Variants in SLC22A24 observed in about 807,000 individuals in gnomAD.
SLC22A24 encodes solute carrier family 22 member 24.
Under a neutral mutation model 49.8 loss-of-function variants are expected in SLC22A24, and 53 were observed. The observed-to-expected ratio is 1.06, with a 90% confidence interval of 0.85 to 1.34. The LOEUF is 1.34. Ranked by LOEUF, SLC22A24 falls within the 40% of genes most tolerant of loss-of-function variation. The pLI is 0.00. For synonymous variants in SLC22A24, 302 were observed against 256.4 expected (o/e 1.18, Z -1.70); for missense variants, 786 against 675.9 (o/e 1.16, Z -1.81).
Position 63,144,140 on chromosome 11 carries a change from C to T in SLC22A24, c.-361G>A, listed in dbSNP as rs553221578. On this transcript the variant is annotated 5_prime_UTR_variant, in exon 1 of 10. Transcript: ENST00000612278. The stretch of plus-strand genomic sequence containing the variant: ...GGTGGATTTTCAGGTGGATGCAGTC[C>T]CCACGTGACCTAAAATACACCTGTT... 5.7e-6 allele frequency: 1 copy of T among 175,196 alleles called. No homozygotes were observed. Among genetic ancestry groups the T allele is most frequent in the South Asian group, 2.0e-4 (1 of 5,008 alleles). The allele number at this position is 175,196 out of a possible 1,614,324, so 10.9% of individuals were successfully genotyped here. A position where few individuals can be genotyped will look rare whatever the true frequency, so the allele number is the denominator to read the frequency against.
In SLC22A24 at chr11:63,125,745, A is replaced by G. The variant is rs1425678478; in HGVS notation, c.507-6410T>C. ...AGGAATTGCCACACTGTCTTCCACA[A>G]TGGCTGAACTAATTTACACTCCCAC... On this transcript the variant is annotated intron_variant, in intron 2 of 9. Transcript: ENST00000612278. Among the ~76,000 whole-genome samples, 4 of 152,032 alleles carry G rather than the reference A, an allele frequency of 2.6e-5. No individual in the cohort carries two copies. The East Asian group carries it at 5.8e-4, about 22-fold the overall frequency.
chr11:63,138,252 CT>C (rs1289425916), intron 1 of SLC22A24, among the ~76,000 whole-genome samples: 12 of 152,106 alleles, frequency 7.9e-5, no homozygotes, highest in Admixed American at 7.2e-4. Context: ...GGGATTCTTT[CT>C]TTTTGTTTCC....
At chr11:63,118,752 T>C in intron 4 of SLC22A24, 160 bp downstream of exon 4, 1 of 734,404 alleles carries the variant, frequency 1.4e-6, no homozygotes, top group Non-Finnish European at 2.4e-6. Flanking sequence ...TATAGTGTCA[T>C]CCTATTCCAT....
At chr11:63,122,147 A>G (rs550284121) in intron 2 of SLC22A24, among the ~76,000 whole-genome samples, 12 of 152,276 alleles carry the variant, frequency 7.9e-5, no homozygotes, top group Non-Finnish European at 1.5e-4. Context: ...TTTCTTTTTA[A>G]AGGCCTATTG....
Position 63,081,046 on chromosome 11 carries a change from G to A in SLC22A24, c.1472C>T (p.Ala491Val), listed in dbSNP as rs370756811. The change falls in exon 9 of 10, where the codon GCG becomes GTG. Residue 491 changes from alanine (A) to valine (V), a missense_variant. Transcript: ENST00000612278. Reference protein sequence around the residue: ...ALAPLLMTLMAYSPHLPWISY... With the variant: ...ALAPLLMTLMVYSPHLPWISY... ...AATCCAGGGTAGGTGGGGAGAATAC[G>A]CCATTAAGGTCATCAACAGAGGAGC... is the stretch of plus-strand genomic sequence containing the variant. 492 of 1,551,622 alleles carry A rather than the reference G, an allele frequency of 3.2e-4. No homozygotes were observed. The highest frequency in any genetic ancestry group is 1.0e-3 in the African/African-American group (74 of 73,158).
chr11:63,134,617 AAT>A, intron 2 of SLC22A24, 46 bp downstream of exon 2: 1 of 1,065,006 alleles, frequency 9.4e-7, no homozygotes, highest in Admixed American at 2.0e-5. Context: ...TAAAGGAATG[AAT>A]ATATCATCTG....
At chr11:63,137,085 G>A (rs1251743008) in intron 1 of SLC22A24, among the ~76,000 whole-genome samples, 1 of 152,046 alleles carries the variant, frequency 6.6e-6, no homozygotes, top group Non-Finnish European at 1.5e-5. Context: ...GTGTCTGTTT[G>A]TAGCTCCACC....
chr11:63,136,392 A>C (rs144793532), intron 1 of SLC22A24, among the ~76,000 whole-genome samples: 148 of 152,342 alleles, frequency 9.7e-4, no homozygotes, highest in African/African-American at 3.2e-3. Flanking sequence ...TGCAACTGGC[A>C]CTGGTCAATA....
chr11:63,088,662 G>A (rs919643695), intron 6 of SLC22A24, among the ~76,000 whole-genome samples: 3 of 152,080 alleles, frequency 2.0e-5, no homozygotes, highest in African/African-American at 7.2e-5. Flanking sequence ...CCCAAGGCAA[G>A]GAAGATAAGA....
intron 4 of SLC22A24, among the ~76,000 whole-genome samples, chr11:63,118,079 G>C (rs1421192868): frequency 6.6e-6 from 1 of 152,150 alleles, no homozygotes; most frequent in Admixed American, 6.5e-5. Flanking sequence ...GCAACTTTGA[G>C]TCAGGTCAAA....
chr11:63,130,284 A>T (rs2087324339), intron 2 of SLC22A24, among the ~76,000 whole-genome samples: 1 of 152,122 alleles, frequency 6.6e-6, no homozygotes, highest in African/African-American at 2.4e-5. Flanking sequence ...ACGTTTATTG[A>T]TTTGCATATG....
Position 63,119,027 on chromosome 11 carries a change from A to G in SLC22A24, c.715T>C (p.Cys239Arg). The change falls in exon 4 of 10, where the codon TGT becomes CGT. Residue 239 changes from cysteine to arginine, a missense_variant. Coordinates refer to ENST00000612278, the MANE Select transcript of SLC22A24 (RefSeq NM_001136506.2). Reference sequence around the variant, plus strand: ...AGCATCTGCCCAACACTGTAGGAACATAATAGCACCATTATTGTCATAGAT... The same window carrying G: ...AGCATCTGCCCAACACTGTAGGAACGTAATAGCACCATTATTGTCATAGAT... The part of the protein sequence containing the change: ...SRSMTIMVLL[C>R]SYSVGQMLLG... 1.3e-6 allele frequency: 2 copies of G among 1,551,650 alleles called. No individual in the cohort carries two copies. The highest frequency in any genetic ancestry group is 1.7e-6 in the Non-Finnish European group (2 of 1,146,920).
At chr11:63,105,918 A>T (rs564811391) in intron 4 of SLC22A24, among the ~76,000 whole-genome samples, 8 of 138,974 alleles carry the variant, frequency 5.8e-5, no homozygotes, top group Non-Finnish European at 8.0e-5. Flanking sequence ...TTAAAACTGA[A>T]TTTTTTTCTT....
At chr11:63,109,785 C>G (rs911895844) in intron 4 of SLC22A24, among the ~76,000 whole-genome samples, 28 of 151,996 alleles carry the variant, frequency 1.8e-4, no homozygotes, top group African/African-American at 2.7e-4. Context: ...AATTTTCTCC[C>G]ATTTTGTAGG....
chr11:63,111,253 G>T (rs1219830393), intron 4 of SLC22A24, among the ~76,000 whole-genome samples: 5 of 151,698 alleles, frequency 3.3e-5, no homozygotes, highest in African/African-American at 1.2e-4. Context: ...CGGTTTGCCA[G>T]TATTTTATTG....
At chr11:63,102,241 T>C (rs1366938171) in intron 5 of SLC22A24, among the ~76,000 whole-genome samples, 1 of 152,058 alleles carries the variant, frequency 6.6e-6, no homozygotes, top group Non-Finnish European at 1.5e-5. Flanking sequence ...CCCATAATAA[T>C]TAAAATCAAG....
At chr11:63,125,293 G>A (rs535769597) in intron 2 of SLC22A24, among the ~76,000 whole-genome samples, 1 of 151,960 alleles carries the variant, frequency 6.6e-6, no homozygotes, top group East Asian at 1.9e-4. Context: ...TTCTCCTAAT[G>A]CTACTCCTCC....
intron 6 of SLC22A24, among the ~76,000 whole-genome samples, chr11:63,090,646 C>T (rs970908001): frequency 1.4e-5 from 1 of 69,678 alleles, no homozygotes; most frequent in Non-Finnish European, 3.4e-5. Context: ...AAGTTCTTTG[C>T]CCCAGAACTT....
chr11:63,124,659 TCTTA>T (rs1449040974), intron 2 of SLC22A24, among the ~76,000 whole-genome samples: 11 of 152,168 alleles, frequency 7.2e-5, no homozygotes, highest in African/African-American at 2.4e-4. Flanking sequence ...CACTGTTAGC[TCTTA>T]CTAACAGTCT....
Sources: allele counts gnomAD v4.1 joint callset (sites outside exome capture counted in the v4.1 genomes callset), GRCh38; gene constraint gnomAD v4.1.1; transcripts MANE v1.5; gene names NCBI Gene and HGNC (gene_info 2026-07-23, HGNC 2026-07-21).